TCERG1L: variants seen among roughly 807,000 people sequenced by gnomAD.
The protein encoded by TCERG1L is transcription elongation regulator 1-like protein.
Under a neutral mutation model 56.3 loss-of-function variants are expected in TCERG1L, and 37 were observed. The ratio of observed to expected loss-of-function variants is 0.66; its 90% CI spans 0.51 to 0.87. The LOEUF (loss-of-function observed/expected upper bound fraction) is 0.87. Among genes scored for constraint, TCERG1L ranks in the 40% least tolerant of loss-of-function variants. TCERG1L has a pLI of 0.00. For synonymous variants in TCERG1L, 324 were observed against 326.3 expected (o/e 0.99, Z 0.08); for missense variants, 799 against 774.2 (o/e 1.03, Z -0.38).
intron 3 of TCERG1L, among the ~76,000 whole-genome samples, chr10:131,303,941 T>C (rs925726343): frequency 1.3e-5 from 2 of 152,102 alleles, no homozygotes; most frequent in African/African-American, 4.8e-5. Flanking sequence ...GCAAAATCCA[T>C]TTCTCAGATA....
intron 10 of TCERG1L, among the ~76,000 whole-genome samples, chr10:131,100,891 G>A (rs1845298316): frequency 6.6e-6 from 1 of 152,142 alleles, no homozygotes; most frequent in African/African-American, 2.4e-5. Context: ...GCTCCCCTTT[G>A]ATGAGGTTGC....
chr10:131,218,055 T>C (rs1845690659), intron 4 of TCERG1L, among the ~76,000 whole-genome samples: 1 of 152,118 alleles, frequency 6.6e-6, no homozygotes, highest in South Asian at 2.1e-4. Context: ...GGATGCACAG[T>C]GCCTGCCACG....
chr10:131,104,249 C>T lies in TCERG1L; in HGVS notation c.1485+16G>A. 6.5e-7 allele frequency: 1 copy of T among 1,534,610 alleles called. No individual in the cohort carries two copies. The highest frequency in any genetic ancestry group is 8.8e-7 in the Non-Finnish European group (1 of 1,131,908). ...TGCCATGTCTCTGCAGTCAAAGTGC[C>T]TTCCCACCCAGTTACCTGCTTTCGT... On this transcript the variant is annotated intron_variant, in intron 10 of 11. Coordinates refer to ENST00000368642, the MANE Select transcript of TCERG1L (RefSeq NM_174937.4).
intron 9 of TCERG1L, among the ~76,000 whole-genome samples, chr10:131,109,462 G>A (rs1273223815): frequency 2.0e-5 from 3 of 152,006 alleles, no homozygotes; most frequent in African/African-American, 7.3e-5. Context: ...GTCTGTGACT[G>A]TGGCTGTGTC....
chr10:131,221,837 C>A (rs113393948), intron 4 of TCERG1L, among the ~76,000 whole-genome samples: 1 of 152,190 alleles, frequency 6.6e-6, no homozygotes, highest in African/African-American at 2.4e-5. Context: ...ACTGTCCCGC[C>A]GCTGCCTCCA....
intron 4 of TCERG1L, among the ~76,000 whole-genome samples, chr10:131,248,999 T>C (rs2133530448): frequency 6.6e-6 from 1 of 152,280 alleles, no homozygotes; most frequent in East Asian, 1.9e-4. Context: ...GCTGACCTGG[T>C]GCACAGAGGC....
In TCERG1L at chr10:131,118,601, G is replaced by A. The variant is rs543447791; in HGVS notation, c.1260-1667C>T. ...TCTGCCATGCCCCAGATCTGACTCA[G>A]CAAGAATCTGCTGAGGTTGGTTCAG... On this transcript the variant is annotated intron_variant, in intron 8 of 11. Transcript: ENST00000368642. This position sits in a 1 kb window ranked among gnomAD's most constrained non-coding sequence, Gnocchi z 4.2. Among the ~76,000 whole-genome samples the A allele has an allele frequency of 7.9e-5, 12 of 152,184 alleles. No homozygotes were observed. The highest frequency in any genetic ancestry group is 5.2e-4 in the Admixed American group (8 of 15,290).
intron 4 of TCERG1L, among the ~76,000 whole-genome samples, chr10:131,219,509 A>G (rs1363011822): frequency 2.6e-5 from 4 of 152,154 alleles, no homozygotes; most frequent in African/African-American, 9.7e-5. Context: ...TGGGCTCAAT[A>G]CATACTTGCA....
At chr10:131,123,415 T>A (rs1845532622) in intron 8 of TCERG1L, among the ~76,000 whole-genome samples, 1 of 151,402 alleles carries the variant, frequency 6.6e-6, no homozygotes, top group African/African-American at 2.4e-5. Context: ...GCCCTGGGGG[T>A]ATCTGGGAGA....
chr10:131,163,646 T>G (rs1846000989), intron 5 of TCERG1L, among the ~76,000 whole-genome samples: 1 of 152,170 alleles, frequency 6.6e-6, no homozygotes, highest in Non-Finnish European at 1.5e-5. Flanking sequence ...TGCCACATCC[T>G]GTTAAGGCGG....
At position 131,205,713 on chromosome 10, in the gene TCERG1L, G is replaced by A. The variant is rs533530453; in HGVS notation, c.857-38828C>T. ...CACTTCCTGGAAAGGCAGCATGTCC[G>A]CAGCCACCTTGCTGAGGTCACCTGG... is the stretch of plus-strand genomic sequence containing the variant. On this transcript the variant is annotated intron_variant, in intron 4 of 11. Coordinates refer to ENST00000368642, the MANE Select transcript of TCERG1L (RefSeq NM_174937.4). Among the ~76,000 whole-genome samples the A allele has an allele frequency of 6.6e-5, 10 of 152,352 alleles. No individual in the cohort carries two copies. The East Asian group carries it at 1.7e-3, about 26-fold the overall frequency.
chr10:131,217,697 C>T (rs1301903070), intron 4 of TCERG1L, among the ~76,000 whole-genome samples: 3 of 147,980 alleles, frequency 2.0e-5, no homozygotes, highest in Non-Finnish European at 4.5e-5. Context: ...TGACCCTACA[C>T]AGTAGCTGCC....
intron 11 of TCERG1L, among the ~76,000 whole-genome samples, chr10:131,097,293 T>G (rs1489398299): frequency 5.9e-5 from 9 of 152,172 alleles, no homozygotes; most frequent in African/African-American, 2.2e-4. Context: ...ATTTTTATGC[T>G]TACGAAACTT....
intron 6 of TCERG1L, among the ~76,000 whole-genome samples, chr10:131,147,635 G>T (rs1438901883): frequency 6.6e-6 from 1 of 152,228 alleles, no homozygotes; most frequent in Non-Finnish European, 1.5e-5. Flanking sequence ...TCTGGGCCTC[G>T]GCTTCCTGCA....
At chr10:131,259,165 G>A (rs761913183) in intron 4 of TCERG1L, among the ~76,000 whole-genome samples, 2 of 152,164 alleles carry the variant, frequency 1.3e-5, no homozygotes, top group Non-Finnish European at 2.9e-5. Context: ...GACCACATTA[G>A]ATTTACTAGC....
Position 131,163,157 on chromosome 10 carries a change from C to T in TCERG1L, c.999G>A (p.Arg333=). ...GGEDSTARGN[R]PVASTPVPGS... Reference sequence around the variant, plus strand: ...CGGGCACCGGGGTGGAGGCCACTGGCCTGTTGCCTCTGGCTGTGCTGTCCT... The same window carrying T: ...CGGGCACCGGGGTGGAGGCCACTGGTCTGTTGCCTCTGGCTGTGCTGTCCT... The change falls in exon 6 of 12, where the codon AGG becomes AGA. Residue 333 remains arginine, a synonymous_variant. Transcript: ENST00000368642. The T allele has an allele frequency of 6.3e-7, 1 of 1,578,690 alleles. No individual in the cohort carries two copies. The highest frequency in any genetic ancestry group is 8.6e-7 in the Non-Finnish European group (1 of 1,161,302).
intron 9 of TCERG1L, 123 bp downstream of exon 9, chr10:131,116,676 G>A: frequency 7.5e-7 from 1 of 1,331,918 alleles, no homozygotes; most frequent in Non-Finnish European, 1.0e-6. Flanking sequence ...TCTCAGGCCA[G>A]GACAGTCACT....
At position 131,267,285 on chromosome 10, in the gene TCERG1L, C is replaced by T. The variant is rs942489636; in HGVS notation, c.671-6841G>A. Among the ~76,000 whole-genome samples the T allele has an allele frequency of 6.6e-6, 1 of 152,204 alleles. No homozygotes were observed. Among genetic ancestry groups the T allele is most frequent in the African/African-American group, 2.4e-5 (1 of 41,460 alleles). On this transcript the variant is annotated intron_variant, in intron 3 of 11. Coordinates refer to ENST00000368642, the MANE Select transcript of TCERG1L (RefSeq NM_174937.4). The surrounding 1 kb of genome is among the most constrained non-coding windows in gnomAD (Gnocchi z 4.9). ...AGTGTGCACACACCTGGCTGGACTG[C>T]AACAGCACCCAGGCTTGGCCCCAAC...
chr10:131,245,748 G>C (rs182781683), intron 4 of TCERG1L, among the ~76,000 whole-genome samples: 1 of 152,196 alleles, frequency 6.6e-6, no homozygotes, highest in Admixed American at 6.5e-5. Context: ...AGAGCTGGTC[G>C]AGTTCGGAGT....
Sources: gnomAD v4.1 joint callset for allele counts (sites outside exome capture counted in the v4.1 genomes callset) on GRCh38, gnomAD v4.1.1 for gene constraint, Gnocchi (gnomAD v3.1) non-coding constraint, MANE v1.5 for transcripts, NCBI Gene and HGNC (gene_info 2026-07-23, HGNC 2026-07-21) for gene names.